Variants in B3GALT1 observed in about 807,000 individuals in gnomAD.
The protein encoded by B3GALT1 is beta-1,3-galactosyltransferase 1, also known as UDP-Gal:betaGlcNAc beta 1,3-galactosyltransferase, polypeptide 1.
In B3GALT1, 10 loss-of-function variants were observed where a neutral mutation model predicts 23.2. The observed-to-expected ratio is 0.43, with a 90% confidence interval of 0.27 to 0.73. The LOEUF is 0.73. B3GALT1 is among the 30% of genes least tolerant of loss of function. The pLI is 0.21. For missense variants in B3GALT1, 299 were observed against 405.4 expected (o/e 0.74, Z 2.25); for synonymous variants, 156 against 141.5 (o/e 1.10, Z -0.73).
At position 167,631,969 on chromosome 2, in the gene B3GALT1, G is replaced by A. The variant is rs189453326; in HGVS notation, c.-409-14940G>A. ...TACCCCCCACCCACTGACAGGCCCC[G>A]GTGTGTGATGTTCCCTACCCTGTGT... On this transcript the variant is annotated intron_variant, in intron 2 of 4. Transcript: ENST00000392690. Among the ~76,000 whole-genome samples the A allele has an allele frequency of 4.8e-3, 713 of 150,086 alleles. 4 individuals carry two copies. The highest frequency in any genetic ancestry group is 0.015 in the African/African-American group (624 of 40,918).
At position 167,508,328 on chromosome 2, in the gene B3GALT1, G is replaced by A. The variant is rs548575143; in HGVS notation, c.-410+18051G>A. 9.5e-5 allele frequency among the ~76,000 whole-genome samples: 14 copies of A among 147,588 alleles called. No homozygotes were observed. The East Asian group carries it at 2.2e-3, about 23-fold the overall frequency. The stretch of plus-strand genomic sequence containing the variant: ...GCTGGAGTGCAGTGGCAGTGATCTC[G>A]GCTCACTGCAAGCTCTGCCTCCCGG... On this transcript the variant is annotated intron_variant, in intron 2 of 4. Coordinates refer to ENST00000392690, the MANE Select transcript of B3GALT1 (RefSeq NM_020981.4).
intron 1 of B3GALT1, among the ~76,000 whole-genome samples, chr2:167,393,433 TGAAA>T (rs1187140992): frequency 6.6e-6 from 1 of 151,872 alleles, no homozygotes; most frequent in Non-Finnish European, 1.5e-5. Flanking sequence ...GAAAGGACCC[TGAAA>T]GCAACATGGA....
intron 2 of B3GALT1, among the ~76,000 whole-genome samples, chr2:167,565,534 G>T (rs1400081310): frequency 6.6e-6 from 1 of 152,170 alleles, no homozygotes; most frequent in East Asian, 1.9e-4. Context: ...AGGAGATTCT[G>T]CACAGCAAAA....
intron 2 of B3GALT1, among the ~76,000 whole-genome samples, chr2:167,538,230 T>C (rs1272916053): frequency 6.6e-6 from 1 of 152,184 alleles, no homozygotes; most frequent in African/African-American, 2.4e-5. Flanking sequence ...ATGCCACATC[T>C]GGATACTAGA....
At chr2:167,767,203 T>A (rs367929086) in intron 3 of B3GALT1, among the ~76,000 whole-genome samples, 3 of 152,312 alleles carry the variant, frequency 2.0e-5, no homozygotes, top group East Asian at 1.9e-4. Flanking sequence ...AATTGAGGTG[T>A]TGGCTATTGT....
At chr2:167,416,351 A>G (rs1266265825) in intron 1 of B3GALT1, among the ~76,000 whole-genome samples, 1 of 152,184 alleles carries the variant, frequency 6.6e-6, no homozygotes, top group Non-Finnish European at 1.5e-5. Context: ...ACTGCTTAAG[A>G]AGATACAAGT....
At chr2:167,615,373 GGTT>G (rs1191908402) in intron 2 of B3GALT1, among the ~76,000 whole-genome samples, 2 of 151,960 alleles carry the variant, frequency 1.3e-5, no homozygotes, top group East Asian at 3.9e-4. Context: ...GTTACCAAGG[GGTT>G]GGGGCCTGGT....
intron 4 of B3GALT1, among the ~76,000 whole-genome samples, chr2:167,835,588 TC>T (rs1211027315): frequency 6.6e-6 from 1 of 152,224 alleles, no homozygotes; most frequent in Non-Finnish European, 1.5e-5. Flanking sequence ...CTCTGTAGGC[TC>T]CACCTCTGGG....
At chr2:167,390,442 TA>T (rs1453568800) in intron 1 of B3GALT1, among the ~76,000 whole-genome samples, 1 of 152,244 alleles carries the variant, frequency 6.6e-6, no homozygotes, top group African/African-American at 2.4e-5. Flanking sequence ...AAGCTATTTT[TA>T]AAGATCTCAG....
intron 4 of B3GALT1, among the ~76,000 whole-genome samples, chr2:167,831,643 T>G (rs970266479): frequency 2.6e-5 from 4 of 152,168 alleles, no homozygotes; most frequent in African/African-American, 9.7e-5. Context: ...GGAGGGACGC[T>G]TTAAAGGTGG....
At chr2:167,399,543 G>A (rs1472919127) in intron 1 of B3GALT1, among the ~76,000 whole-genome samples, 1 of 151,582 alleles carries the variant, frequency 6.6e-6, no homozygotes, top group Non-Finnish European at 1.5e-5. Context: ...TTATAATTTA[G>A]CATTTATTGT....
chr2:167,347,294 G>A (rs1697235406), intron 1 of B3GALT1, among the ~76,000 whole-genome samples: 2 of 152,140 alleles, frequency 1.3e-5, no homozygotes, highest in Non-Finnish European at 2.9e-5. Flanking sequence ...AAGAGACTTA[G>A]GAGCCACTTG....
chr2:167,446,862 C>T (rs1405269817), intron 1 of B3GALT1, among the ~76,000 whole-genome samples: 2 of 152,272 alleles, frequency 1.3e-5, no homozygotes, highest in Non-Finnish European at 2.9e-5. Flanking sequence ...TCTCTCAAAT[C>T]GTCAAAGTCA....
At chr2:167,505,888 T>G (rs1334963950) in intron 2 of B3GALT1, among the ~76,000 whole-genome samples, 1 of 151,860 alleles carries the variant, frequency 6.6e-6, no homozygotes, top group African/African-American at 2.4e-5. Flanking sequence ...GGTGAAACCC[T>G]GTCTCTACCA....
At chr2:167,628,521 C>T (rs1407566161) in intron 2 of B3GALT1, among the ~76,000 whole-genome samples, 1 of 151,760 alleles carries the variant, frequency 6.6e-6, no homozygotes, top group Non-Finnish European at 1.5e-5. Context: ...CTCCCGGCTT[C>T]ACCTTGATCC....
In B3GALT1 at chr2:167,751,207, T is replaced by G. The variant is rs114296851; in HGVS notation, c.-351-67465T>G. Among the ~76,000 whole-genome samples the G allele has an allele frequency of 1.2e-3, 183 of 152,274 alleles. 1 individual carries two copies. Among genetic ancestry groups the G allele is most frequent in the African/African-American group, 4.2e-3 (173 of 41,554 alleles). On this transcript the variant is annotated intron_variant, in intron 3 of 4. Transcript: ENST00000392690. Reference sequence around the variant, plus strand: ...ATATTTTGGCACATTACTAAAGAAATAGTGACAATACAAATTTTCCTGACA... The same window carrying G: ...ATATTTTGGCACATTACTAAAGAAAGAGTGACAATACAAATTTTCCTGACA...
intron 4 of B3GALT1, among the ~76,000 whole-genome samples, chr2:167,867,415 G>T (rs1690256336): frequency 6.6e-6 from 1 of 152,012 alleles, no homozygotes; most frequent in African/African-American, 2.4e-5. Flanking sequence ...TTGGATGAAG[G>T]CCTAACTATG....
intron 3 of B3GALT1, among the ~76,000 whole-genome samples, chr2:167,779,284 T>C (rs1162808399): frequency 2.0e-5 from 3 of 152,200 alleles, no homozygotes; most frequent in Non-Finnish European, 2.9e-5. Flanking sequence ...TTGGAGCCAC[T>C]TGGAATTGCT....
intron 1 of B3GALT1, among the ~76,000 whole-genome samples, chr2:167,298,293 C>CT (rs889007869): frequency 1.3e-5 from 2 of 152,056 alleles, no homozygotes; most frequent in Non-Finnish European, 2.9e-5. Flanking sequence ...TCTAGAAACA[C>CT]TATTTGTTAA....
Sources: allele counts gnomAD v4.1 joint callset (sites outside exome capture counted in the v4.1 genomes callset), GRCh38; gene constraint gnomAD v4.1.1; transcripts MANE v1.5; gene names NCBI Gene and HGNC (gene_info 2026-07-23, HGNC 2026-07-21).